Variants in ZDHHC20 observed in about 807,000 individuals in gnomAD.
ZDHHC20 encodes the protein palmitoyltransferase ZDHHC20.
In ZDHHC20, 43 loss-of-function variants were observed where a neutral mutation model predicts 57.8. That is an observed-to-expected ratio of 0.74 (90% CI 0.58 to 0.96). The LOEUF (loss-of-function observed/expected upper bound fraction) is 0.96. Among genes scored for constraint, ZDHHC20 ranks in the 40% least tolerant of loss-of-function variants. The pLI is 0.00. For missense variants in ZDHHC20, 391 were observed against 441.1 expected (o/e 0.89, Z 1.02); for synonymous variants, 157 against 153.0 (o/e 1.03, Z -0.19).
intron 1 of ZDHHC20, among the ~76,000 whole-genome samples, chr13:21,437,486 G>T (rs529817172): frequency 6.6e-6 from 1 of 152,304 alleles, no homozygotes; most frequent in South Asian, 2.1e-4. Flanking sequence ...TAGCCAGAGA[G>T]AGGAAGTCAA....
chr13:21,455,081 C>T (rs1884799678), intron 1 of ZDHHC20, among the ~76,000 whole-genome samples: 1 of 152,108 alleles, frequency 6.6e-6, no homozygotes, highest in Non-Finnish European at 1.5e-5. Flanking sequence ...CCACCACACT[C>T]GGCTAATTTT....
At chr13:21,383,118 T>C (rs532240862) in intron 9 of ZDHHC20, 109 bp from the exon 10 acceptor site, 229 of 1,005,910 alleles carry the variant, frequency 2.3e-4, no homozygotes, top group Non-Finnish European at 3.1e-4. Flanking sequence ...TAACTTGTCA[T>C]ATAAGGAAGT....
At position 21,372,604 on chromosome 13, in the gene ZDHHC20, A is replaced by G. The variant is rs1461531823; in HGVS notation, c.*4092T>C. 1 of 152,190 alleles carries G rather than the reference A, an allele frequency of 6.6e-6. No individual in the cohort carries two copies. The highest frequency in any genetic ancestry group is 2.4e-5 in the African/African-American group (1 of 41,448). The allele number at this position is 152,190 out of a possible 1,614,324, so 9.4% of individuals were successfully genotyped here. A position where few individuals can be genotyped will look rare whatever the true frequency, so the allele number is the denominator to read the frequency against. On this transcript the variant is annotated 3_prime_UTR_variant, in exon 13 of 13. Coordinates refer to ENST00000400590, the MANE Select transcript of ZDHHC20 (RefSeq NM_001330059.2). ...CAAGACTTTGTTTATTAATAAAGTA[A>G]TTCATTATGACTTTTGAAAAAAAAA...
rs71093307 is a variant in ZDHHC20, at chr13:21,393,699, C to CAAAAAAAAAAAAAAA, written c.595-1860_595-1846dup. Among the ~76,000 whole-genome samples, 22 of 63,414 alleles carry CAAAAAAAAAAAAAAA rather than the reference C, an allele frequency of 3.5e-4. 2 individuals are homozygous for CAAAAAAAAAAAAAAA. The highest frequency in any genetic ancestry group is 1.4e-3 in the African/African-American group (19 of 13,320). 41.6% of individuals were successfully genotyped at this position (63,414 alleles called of 152,430 possible). ...AGCCTGGGCGACACAGCAAGTCTCA[C>CAAAAAAAAAAAAAAA]AAAAAAAAAAAAAAAAAAAAAAAAA... On this transcript the variant is annotated intron_variant, in intron 7 of 12. Transcript: ENST00000400590.
Position 21,387,520 on chromosome 13 carries a change from G to T in ZDHHC20, c.842C>A (p.Pro281Gln). The change falls in exon 9 of 13, where the codon CCA (proline) becomes CAA (glutamine). Residue 281 changes from proline to glutamine, a missense_variant. Pro to Gln is a moderately conservative substitution (Grantham distance 76). Coordinates refer to ENST00000400590, the MANE Select transcript of ZDHHC20 (RefSeq NM_001330059.2). ...FGDEKKYWLL[P>Q]IFSSLGDGCS... is the part of the protein sequence containing the mutation. The stretch of plus-strand genomic sequence containing the variant: ...TTTTATAAATTACCTTGAAAATATT[G>T]GAAGTAGCCAATATTTCTTTTCATC... 1.3e-6 allele frequency: 2 copies of T among 1,530,050 alleles called. No individual in the cohort carries two copies. The highest frequency in any genetic ancestry group is 1.3e-5 in the South Asian group (1 of 78,846). 94.8% of individuals were successfully genotyped at this position (1,530,050 alleles called of 1,614,324 possible). A position where few individuals can be genotyped will look rare whatever the true frequency, so the allele number is the denominator to read the frequency against.
intron 2 of ZDHHC20, among the ~76,000 whole-genome samples, chr13:21,422,629 T>C (rs1191625350): frequency 1.3e-5 from 2 of 152,186 alleles, no homozygotes; most frequent in African/African-American, 4.8e-5. Flanking sequence ...GAACTCATTA[T>C]TATTATTTTC....
At chr13:21,405,561 A>G (rs912098207) in intron 4 of ZDHHC20, among the ~76,000 whole-genome samples, 13 of 152,156 alleles carry the variant, frequency 8.5e-5, no homozygotes, top group African/African-American at 3.1e-4. Context: ...AAATTACCAT[A>G]TGAGTTCTCA....
At position 21,459,218 on chromosome 13, in the gene ZDHHC20, C is replaced by G. The variant is rs759310943; in HGVS notation, c.-47G>C. Reference sequence around the variant, plus strand: ...CCCCGCGTCCCACCGTTCTGGGGAGCGCGGGAGCCCCGGCGACGGTGACTC... The same window carrying G: ...CCCCGCGTCCCACCGTTCTGGGGAGGGCGGGAGCCCCGGCGACGGTGACTC... On this transcript the variant is annotated 5_prime_UTR_variant, in exon 1 of 13. Transcript: ENST00000400590. The G allele has an allele frequency of 4.1e-6, 6 of 1,476,672 alleles. No individual in the cohort carries two copies. The African/African-American group carries it at 7.3e-5, about 18-fold the overall frequency. The allele number at this position is 1,476,672 out of a possible 1,614,324, so 91.5% of individuals were successfully genotyped here.
chr13:21,409,662 T>C (rs1044188911), intron 4 of ZDHHC20, among the ~76,000 whole-genome samples: 1 of 152,182 alleles, frequency 6.6e-6, no homozygotes, highest in Non-Finnish European at 1.5e-5. Flanking sequence ...ATATCCTTTC[T>C]TCTACTTGAT....
At chr13:21,396,418 A>G (rs1334645322) in intron 7 of ZDHHC20, among the ~76,000 whole-genome samples, 2 of 152,360 alleles carry the variant, frequency 1.3e-5, no homozygotes, top group East Asian at 1.9e-4. Flanking sequence ...AAATAGGACA[A>G]TATCTGTATA....
intron 1 of ZDHHC20, among the ~76,000 whole-genome samples, chr13:21,451,342 G>C (rs1192529609): frequency 1.3e-5 from 2 of 152,138 alleles, no homozygotes; most frequent in Non-Finnish European, 2.9e-5. Flanking sequence ...GAGTTTACAA[G>C]AGTATGATTC....
intron 9 of ZDHHC20, among the ~76,000 whole-genome samples, chr13:21,384,748 T>C (rs561462728): frequency 7.9e-5 from 12 of 152,314 alleles, no homozygotes; most frequent in Middle Eastern, 6.8e-3. Context: ...ATTCCATTTA[T>C]TGGAGCGCTA....
chr13:21,412,893 T>G (rs1879402777), intron 4 of ZDHHC20, among the ~76,000 whole-genome samples: 1 of 129,562 alleles, frequency 7.7e-6, no homozygotes, highest in Admixed American at 1.0e-4. Context: ...ACTTGAACCC[T>G]GGGGGTGGAA....
chr13:21,440,068 GAAAAAAAAAA>G (rs376263181), intron 1 of ZDHHC20, among the ~76,000 whole-genome samples: 24,937 of 89,300 alleles, frequency 0.28, 2,033 homozygotes, highest in East Asian at 0.42. Context: ...CTGTTTCTCA[GAAAAAAAAAA>G]AAAAAAAAAA....
chr13:21,422,362 G>C (rs1360502995), intron 2 of ZDHHC20, among the ~76,000 whole-genome samples: 3 of 151,964 alleles, frequency 2.0e-5, no homozygotes, highest in African/African-American at 7.2e-5. Context: ...TTTGGACTGA[G>C]GTTTATTTTC....
rs188591308 is a variant in ZDHHC20 at position 21,398,357 on chromosome 13, G to A, written c.594+2016C>T. Among the ~76,000 whole-genome samples the A allele has an allele frequency of 4.5e-3, 688 of 152,056 alleles. 2 individuals carry two copies. Among genetic ancestry groups the A allele is most frequent in the African/African-American group, 0.011 (438 of 41,486 alleles). ...CGGGTGCCTGTAGTCCCAGCTACTC[G>A]GGAGGCTGAGGCAGCAGAATGGCAT... On this transcript the variant is annotated intron_variant, in intron 7 of 12. Coordinates refer to ENST00000400590, the MANE Select transcript of ZDHHC20 (RefSeq NM_001330059.2).
chr13:21,413,538 T>C, intron 4 of ZDHHC20, 114 bp downstream of exon 4: 1 of 908,290 alleles, frequency 1.1e-6, no homozygotes, highest in Non-Finnish European at 1.5e-6. Flanking sequence ...GCTACAGATA[T>C]TATTTATGGC....
intron 2 of ZDHHC20, among the ~76,000 whole-genome samples, chr13:21,422,624 CATTATT>C (rs35073080): frequency 1.3e-5 from 2 of 151,856 alleles, no homozygotes; most frequent in Admixed American, 6.6e-5. Flanking sequence ...CAAGTGAACT[CATTATT>C]ATTATTTTCG....
intron 1 of ZDHHC20, among the ~76,000 whole-genome samples, chr13:21,444,117 C>T (rs1337427274): frequency 2.0e-5 from 3 of 152,168 alleles, no homozygotes; most frequent in Non-Finnish European, 4.4e-5. Flanking sequence ...GATTGTGCCA[C>T]TGCACTCTAC....
Sources: gnomAD v4.1 joint callset for allele counts (sites outside exome capture counted in the v4.1 genomes callset) on GRCh38, gnomAD v4.1.1 for gene constraint, MANE v1.5 for transcripts, NCBI Gene and HGNC (gene_info 2026-07-23, HGNC 2026-07-21) for gene names.